PON2: variants seen among roughly 807,000 people sequenced by gnomAD.
The protein encoded by PON2 is paraoxonase 2, also known as serum paraoxonase/arylesterase 2.
Under a neutral mutation model 36.6 loss-of-function variants are expected in PON2, and 27 were observed. The ratio of observed to expected loss-of-function variants is 0.74; its 90% confidence interval spans 0.54 to 1.02. PON2 has a LOEUF of 1.02. Ranked by LOEUF, PON2 falls within the 50% of genes least tolerant of loss-of-function variation. The pLI, the probability that PON2 is intolerant of heterozygous loss-of-function variation, is 0.00. For synonymous variants in PON2, 149 were observed against 156.3 expected (o/e 0.95, Z 0.35); for missense variants, 363 against 421.1 (o/e 0.86, Z 1.21).
intron 5 of PON2, 63 bp downstream of exon 5, chr7:95,411,590 C>T: frequency 1.3e-6 from 2 of 1,598,088 alleles, no homozygotes; most frequent in South Asian, 1.1e-5. Flanking sequence ...CAGGACAACC[C>T]ACCATAGGGA....
chr7:95,405,296 T>C lies in PON2; in HGVS notation c.*34A>G. The C allele has an allele frequency of 6.2e-7, 1 of 1,603,762 alleles. No individual in the cohort carries two copies. Among genetic ancestry groups the C allele is most frequent in the Non-Finnish European group, 8.5e-7 (1 of 1,171,092 alleles). On this transcript the variant is annotated 3_prime_UTR_variant, in exon 9 of 9. Coordinates refer to ENST00000222572, the MANE Select transcript of PON2 (RefSeq NM_000305.3). ...TTAGCAATTCATAGAAAATTAATTG[T>C]TAAGTTATCGCACTTTCATGCCAAA...
At chr7:95,424,351 A>G (rs1355179755) in intron 2 of PON2, 164 bp downstream of exon 2, 1 of 643,908 alleles carries the variant, frequency 1.6e-6, no homozygotes, top group African/African-American at 1.8e-5. Context: ...AAGAATAAAT[A>G]CAGGGTTCAT....
In PON2 at chr7:95,405,148, G is replaced by T; in HGVS notation, c.*182C>A. 1 of 612,480 alleles carries T rather than the reference G, an allele frequency of 1.6e-6. No homozygotes were observed. The allele number at this position is 612,480 out of a possible 1,614,324, so 37.9% of individuals were successfully genotyped here. A position where few individuals can be genotyped will look rare whatever the true frequency, so the allele number is the denominator to read the frequency against. Reference sequence around the variant, plus strand: ...CCTTGCTTGGCATTTTAAAGAACCTGTTCATTTTCCTTTTTTGTTAAAAGT... The same window carrying T: ...CCTTGCTTGGCATTTTAAAGAACCTTTTCATTTTCCTTTTTTGTTAAAAGT... On this transcript the variant is annotated 3_prime_UTR_variant, in exon 9 of 9. Transcript: ENST00000222572.
chr7:95,410,748 A>G (rs1238494794), intron 5 of PON2, among the ~76,000 whole-genome samples: 1 of 152,216 alleles, frequency 6.6e-6, no homozygotes, highest in Admixed American at 6.5e-5. Context: ...TATTAAATTT[A>G]AATTCCAATT....
Position 95,406,196 on chromosome 7 carries a change from C to T in PON2, c.829G>A (p.Gly277Arg), listed in dbSNP as rs1367212244. ...VDNLSIDPSS[G>R]DIWVGCHPNG... ...GGATGACAGCCTACCCAGATGTCCC[C>T]CGAGGAAGGATCAATAGATAAATTA... is the stretch of plus-strand genomic sequence containing the variant. The change falls in exon 8 of 9, where the codon GGG (glycine) becomes AGG (arginine). Residue 277 changes from glycine to arginine, a missense_variant. By Grantham distance (125) the Gly-to-Arg change is moderately radical (BLOSUM62 -2). Transcript: ENST00000222572. The T allele has an allele frequency of 1.9e-6, 3 of 1,612,570 alleles. No homozygotes were observed. The highest frequency in any genetic ancestry group is 1.7e-5 in the Admixed American group (1 of 60,020).
chr7:95,422,657 T>C (rs1203310017), intron 2 of PON2, among the ~76,000 whole-genome samples: 1 of 152,238 alleles, frequency 6.6e-6, no homozygotes, highest in Non-Finnish European at 1.5e-5. Flanking sequence ...TCAAAACTTG[T>C]TTAACAATGT....
chr7:95,424,342 A>G, intron 2 of PON2, 173 bp downstream of exon 2: 4 of 624,500 alleles, frequency 6.4e-6, no homozygotes, highest in South Asian at 3.8e-5. Flanking sequence ...GTAGGAAAGA[A>G]GAATAAATAC....
intron 1 of PON2, among the ~76,000 whole-genome samples, chr7:95,429,824 T>C (rs1418690998): frequency 2.0e-5 from 3 of 152,186 alleles, no homozygotes; most frequent in Non-Finnish European, 4.4e-5. Context: ...AATTCACCCC[T>C]TGGGCTCTGG....
At position 95,416,402 on chromosome 7, in the gene PON2, G is replaced by A. The variant is rs995686843; in HGVS notation, c.146-105C>T. ...CTTTATCAGAGTGACTGTATCTTTA[G>A]GGATGGTTCTGATGTTTTTTCCAAG... On this transcript the variant is annotated intron_variant, in intron 2 of 8. Transcript: ENST00000222572. The A allele has an allele frequency of 4.6e-6, 6 of 1,305,246 alleles. No homozygotes were observed. The Admixed American group carries it at 1.1e-4, about 23-fold the overall frequency. 80.9% of individuals were successfully genotyped at this position (1,305,246 alleles called of 1,614,324 possible). A position where few individuals can be genotyped will look rare whatever the true frequency, so the allele number is the denominator to read the frequency against.
chr7:95,425,085 A>C (rs1789285050), intron 1 of PON2, among the ~76,000 whole-genome samples: 1 of 152,198 alleles, frequency 6.6e-6, no homozygotes, highest in African/African-American at 2.4e-5. Context: ...ACTAACAAAA[A>C]AGAAAAGAAG....
At chr7:95,418,440 A>G (rs1461628674) in intron 2 of PON2, 1 of 152,202 alleles carries the variant, frequency 6.6e-6, no homozygotes, top group Non-Finnish European at 1.5e-5. Context: ...TTAGAATTTA[A>G]TGAATTTCCT....
intron 1 of PON2, 98 bp downstream of exon 1, chr7:95,434,780 C>G: frequency 7.3e-7 from 1 of 1,368,436 alleles, no homozygotes; most frequent in African/African-American, 1.5e-5. Context: ...GGGCCAGGTC[C>G]CGCAGGAATC....
chr7:95,426,886 C>CT (rs374865261), intron 1 of PON2, among the ~76,000 whole-genome samples: 41 of 152,240 alleles, frequency 2.7e-4, no homozygotes, highest in Admixed American at 1.5e-3. Context: ...TACCATCTAC[C>CT]TTTTTCAAAG....
rs143282478 is a variant in PON2 at position 95,410,426 on chromosome 7, G to C, written c.495-325C>G. 1.7e-4 allele frequency among the ~76,000 whole-genome samples: 26 copies of C among 152,326 alleles called. No homozygotes were observed. The East Asian group carries it at 4.8e-3, about 28-fold the overall frequency. ...GGTTTAACAATTATACGTAAGGACAGAGCTGTCCACAGTACAGAGCTGGAG... is the reference window on the plus strand; with the variant it reads ...GGTTTAACAATTATACGTAAGGACACAGCTGTCCACAGTACAGAGCTGGAG... On this transcript the variant is annotated intron_variant, in intron 5 of 8. Coordinates refer to ENST00000222572, the MANE Select transcript of PON2 (RefSeq NM_000305.3).
At chr7:95,405,826 G>T (rs950145443) in intron 8 of PON2, among the ~76,000 whole-genome samples, 2 of 152,044 alleles carry the variant, frequency 1.3e-5, no homozygotes, top group African/African-American at 4.8e-5. Context: ...CAATAAATCA[G>T]ATATTTTAAA....
intron 1 of PON2, among the ~76,000 whole-genome samples, chr7:95,431,643 C>G (rs948914761): frequency 1.3e-5 from 2 of 152,006 alleles, no homozygotes; most frequent in Non-Finnish European, 2.9e-5. Flanking sequence ...TGGTCTTGAA[C>G]CCCTGACCTC....
chr7:95,434,078 G>C (rs936875094), intron 1 of PON2, among the ~76,000 whole-genome samples: 1 of 152,188 alleles, frequency 6.6e-6, no homozygotes, highest in African/African-American at 2.4e-5. Context: ...GGTTGAGGCA[G>C]GGCAGAACAG....
chr7:95,406,188 G>C lies in PON2; in HGVS notation c.837C>G (p.Ile279Met), dbSNP rs1809686565. 6.2e-7 allele frequency: 1 copy of C among 1,612,762 alleles called. No individual in the cohort carries two copies. Among genetic ancestry groups the C allele is most frequent in the Non-Finnish European group, 8.5e-7 (1 of 1,178,800 alleles). Residue 279 changes from isoleucine (I) to methionine (M), a missense_variant, in exon 8 of 9, where the codon ATC becomes ATG. Transcript: ENST00000222572. ...GGCCATTAGGATGACAGCCTACCCA[G>C]ATGTCCCCCGAGGAAGGATCAATAG... ...NLSIDPSSGD[I>M]WVGCHPNGQK...
chr7:95,434,840 G>C (rs1789527586), intron 1 of PON2, 38 bp downstream of exon 1: 1 of 1,532,170 alleles, frequency 6.5e-7, no homozygotes, highest in South Asian at 1.2e-5. Flanking sequence ...CCCGAGCCTG[G>C]GGACCGCCGA....
Sources: allele counts gnomAD v4.1 joint callset (sites outside exome capture counted in the v4.1 genomes callset), GRCh38; gene constraint gnomAD v4.1.1; transcripts MANE v1.5; gene names NCBI Gene and HGNC (gene_info 2026-07-23, HGNC 2026-07-21).